Variants in ADAMTS12 observed in about 807,000 individuals in gnomAD.
ADAMTS12 encodes the protein ADAM metallopeptidase with thrombospondin type 1 motif 12.
In ADAMTS12, 118 loss-of-function variants were observed where a neutral mutation model predicts 167.8. The observed-to-expected ratio is 0.70, with a 90% CI of 0.61 to 0.82. The LOEUF (loss-of-function observed/expected upper bound fraction) is 0.82. ADAMTS12 is among the 40% of genes least tolerant of loss of function. The probability of loss-of-function intolerance (pLI) is 0.00; values close to 1 mark genes in which losing one functional copy is unlikely to be tolerated. For synonymous variants in ADAMTS12, 704 were observed against 716.9 expected, an observed-to-expected ratio of 0.98 and a Z score of 0.29; for missense variants, 1,916 against 1,998.8, an observed-to-expected ratio of 0.96 and a Z score of 0.79.
intron 2 of ADAMTS12, among the ~76,000 whole-genome samples, chr5:33,788,287 CTT>C (rs202227205): frequency 4.0e-5 from 6 of 151,028 alleles, no homozygotes; most frequent in African/African-American, 1.5e-4. Flanking sequence ...TTCTCTCTCT[CTT>C]TTTTTTTGCC....
At chr5:33,624,153 A>T (rs182889528) in intron 14 of ADAMTS12, 78 bp downstream of exon 14, 2 of 1,583,362 alleles carry the variant, frequency 1.3e-6, no homozygotes, top group African/African-American at 2.7e-5. Context: ...TAAAAACAAA[A>T]ACTAGGAACC....
At chr5:33,848,733 G>A (rs1406029855) in intron 2 of ADAMTS12, among the ~76,000 whole-genome samples, 2 of 152,164 alleles carry the variant, frequency 1.3e-5, no homozygotes, top group Non-Finnish European at 2.9e-5. Context: ...AGTATTTTGA[G>A]TGTCTATCAC....
intron 23 of ADAMTS12, among the ~76,000 whole-genome samples, chr5:33,531,376 C>G (rs1300949701): frequency 6.6e-6 from 1 of 152,136 alleles, no homozygotes. Flanking sequence ...GCAGAAAAAA[C>G]ACAGATACAA....
intron 2 of ADAMTS12, among the ~76,000 whole-genome samples, chr5:33,838,779 G>A (rs1283774634): frequency 6.6e-6 from 1 of 152,060 alleles, no homozygotes; most frequent in East Asian, 1.9e-4. Context: ...ACCTGGGGAG[G>A]GATGGTGAAG....
intron 5 of ADAMTS12, among the ~76,000 whole-genome samples, chr5:33,680,254 AG>A (rs564884783): frequency 6.6e-6 from 1 of 152,202 alleles, no homozygotes; most frequent in African/African-American, 2.4e-5. Context: ...TGATGGAGTC[AG>A]GGGGCAGAGG....
chr5:33,841,890 C>T (rs1409131089), intron 2 of ADAMTS12, among the ~76,000 whole-genome samples: 2 of 152,200 alleles, frequency 1.3e-5, no homozygotes, highest in African/African-American at 4.8e-5. Flanking sequence ...TCATCAAAAT[C>T]TTTCAGCCAG....
chr5:33,580,352 C>T (rs981892356), intron 18 of ADAMTS12, among the ~76,000 whole-genome samples: 5 of 152,078 alleles, frequency 3.3e-5, no homozygotes, highest in Admixed American at 1.3e-4. Flanking sequence ...GAGACAAGTG[C>T]AGACTGAAGT....
At chr5:33,531,936 T>A (rs890269063) in intron 23 of ADAMTS12, among the ~76,000 whole-genome samples, 4 of 152,204 alleles carry the variant, frequency 2.6e-5, no homozygotes, top group Non-Finnish European at 5.9e-5. Flanking sequence ...TAGCAACTCA[T>A]TTAGATGATG....
intron 3 of ADAMTS12, among the ~76,000 whole-genome samples, chr5:33,724,772 C>T (rs956497980): frequency 6.6e-6 from 1 of 151,890 alleles, no homozygotes; most frequent in Non-Finnish European, 1.5e-5. Flanking sequence ...AAGAAGGTAT[C>T]GATCTCCTGA....
intron 22 of ADAMTS12, among the ~76,000 whole-genome samples, chr5:33,543,104 G>C (rs1044218013): frequency 6.6e-6 from 1 of 152,142 alleles, no homozygotes; most frequent in Non-Finnish European, 1.5e-5. Context: ...CAACAAAATT[G>C]ATAGACCGCT....
intron 5 of ADAMTS12, among the ~76,000 whole-genome samples, chr5:33,662,707 C>T (rs570287514): frequency 3.3e-5 from 5 of 152,246 alleles, no homozygotes; most frequent in South Asian, 4.1e-4. Flanking sequence ...ACTGGGGCTA[C>T]GAGGGAAGGG....
intron 3 of ADAMTS12, among the ~76,000 whole-genome samples, chr5:33,686,936 T>TATAGAGAG (rs70964412): frequency 0.014 from 1,976 of 145,602 alleles, 52 homozygotes; most frequent in African/African-American, 0.043. Flanking sequence ...TATATATATA[T>TATAGAGAG]AGAGAGAGAG....
chr5:33,613,711 T>C (rs983213362), intron 16 of ADAMTS12, among the ~76,000 whole-genome samples: 7 of 152,238 alleles, frequency 4.6e-5, no homozygotes, highest in African/African-American at 1.7e-4. Flanking sequence ...TGGCAGAACT[T>C]ATCCCATCCT....
intron 17 of ADAMTS12, among the ~76,000 whole-genome samples, chr5:33,594,641 T>C (rs1162114092): frequency 6.6e-6 from 1 of 152,152 alleles, no homozygotes; most frequent in East Asian, 1.9e-4. Context: ...TAGTTCTTCC[T>C]GGCAAAAGAA....
At chr5:33,728,541 G>C (rs909484904) in intron 3 of ADAMTS12, among the ~76,000 whole-genome samples, 1 of 152,174 alleles carries the variant, frequency 6.6e-6, no homozygotes, top group African/African-American at 2.4e-5. Context: ...GCTGTCACTG[G>C]GATCAGCCTG....
chr5:33,804,150 G>C (rs963281509), intron 2 of ADAMTS12, among the ~76,000 whole-genome samples: 7 of 152,124 alleles, frequency 4.6e-5, no homozygotes, highest in African/African-American at 1.7e-4. Flanking sequence ...ACTAAAAACT[G>C]CTCCAAAATA....
intron 2 of ADAMTS12, among the ~76,000 whole-genome samples, chr5:33,824,487 A>C (rs1179550767): frequency 2.0e-5 from 3 of 152,190 alleles, no homozygotes; most frequent in African/African-American, 7.2e-5. Context: ...AGTCCATATA[A>C]AAATAAAAAA....
At chr5:33,855,934 G>A (rs1048087379) in intron 2 of ADAMTS12, among the ~76,000 whole-genome samples, 10 of 152,050 alleles carry the variant, frequency 6.6e-5, no homozygotes, top group East Asian at 3.9e-4. Context: ...GCCTCACTAC[G>A]TTGTGTAGGT....
At chr5:33,772,102 T>C (rs991501637) in intron 2 of ADAMTS12, among the ~76,000 whole-genome samples, 2 of 152,188 alleles carry the variant, frequency 1.3e-5, no homozygotes, top group Admixed American at 1.3e-4. Context: ...GGTGATATCC[T>C]CTCTGCGGCC....
Sources: allele counts gnomAD v4.1 joint callset (sites outside exome capture counted in the v4.1 genomes callset), GRCh38; gene constraint gnomAD v4.1.1; transcripts MANE v1.5; gene names NCBI Gene and HGNC (gene_info 2026-07-23, HGNC 2026-07-21).